Variants in KCNIP4 observed in about 807,000 individuals in gnomAD.
KCNIP4 encodes the protein Kv channel-interacting protein 4.
In KCNIP4, 12 loss-of-function variants were observed where a neutral mutation model predicts 34.0. The ratio of observed to expected loss-of-function variants is 0.35; its 90% CI spans 0.23 to 0.57. KCNIP4 has a LOEUF of 0.57. Among genes scored for constraint, KCNIP4 ranks in the 20% least tolerant of loss-of-function variants. KCNIP4 has a pLI of 0.83. For synonymous variants in KCNIP4, 124 were observed against 102.2 expected (o/e 1.21, Z -1.29); for missense variants, 238 against 311.7 (o/e 0.76, Z 1.78).
intron 1 of KCNIP4, among the ~76,000 whole-genome samples, chr4:21,386,771 T>G (rs1722071630): frequency 1.3e-5 from 2 of 152,140 alleles, no homozygotes; most frequent in African/African-American, 4.8e-5. Context: ...CGCTGGACAC[T>G]CTATAGATCT....
chr4:20,902,409 A>T (rs1727248616), intron 1 of KCNIP4, among the ~76,000 whole-genome samples: 1 of 152,178 alleles, frequency 6.6e-6, no homozygotes, highest in African/African-American at 2.4e-5. Context: ...GAGCCACGGC[A>T]TACCCAGTTT....
At chr4:21,207,160 T>C (rs920154831) in intron 1 of KCNIP4, among the ~76,000 whole-genome samples, 7 of 152,168 alleles carry the variant, frequency 4.6e-5, no homozygotes, top group Admixed American at 2.0e-4. Context: ...TCTCTGTGTT[T>C]CTGAATTTTG....
intron 1 of KCNIP4, among the ~76,000 whole-genome samples, chr4:21,123,383 T>G (rs1007032238): frequency 6.6e-6 from 1 of 152,158 alleles, no homozygotes. Context: ...GATTTCAAAA[T>G]TATCTTTTTC....
At chr4:21,245,923 T>C (rs1168139251) in intron 1 of KCNIP4, among the ~76,000 whole-genome samples, 2 of 152,238 alleles carry the variant, frequency 1.3e-5, no homozygotes, top group Admixed American at 1.3e-4. Flanking sequence ...AAGGATAGTC[T>C]TTAGAGATTT....
chr4:21,209,142 A>G, intron 1 of KCNIP4, among the ~76,000 whole-genome samples: 1 of 152,328 alleles, frequency 6.6e-6, no homozygotes, highest in Non-Finnish European at 1.5e-5. Flanking sequence ...TAACTAACAC[A>G]TAATAATTTA....
intron 1 of KCNIP4, among the ~76,000 whole-genome samples, chr4:21,877,165 C>T (rs1371564520): frequency 6.6e-6 from 1 of 152,028 alleles, no homozygotes; most frequent in African/African-American, 2.4e-5. Context: ...ACAGCCTGAC[C>T]AACATGGTGA....
At chr4:21,843,202 A>C (rs1235474976) in intron 1 of KCNIP4, 2 of 152,078 alleles carry the variant, frequency 1.3e-5, no homozygotes, top group Non-Finnish European at 2.9e-5. Context: ...AGAATGTAAA[A>C]AATAAAACTC....
intron 1 of KCNIP4, among the ~76,000 whole-genome samples, chr4:21,267,808 C>A (rs1473575444): frequency 1.3e-5 from 2 of 149,094 alleles, no homozygotes; most frequent in Non-Finnish European, 3.0e-5. Context: ...GTCTAAAATT[C>A]TCTTTTTTGG....
chr4:20,870,751 C>T (rs1031990437), intron 2 of KCNIP4, among the ~76,000 whole-genome samples: 7 of 152,096 alleles, frequency 4.6e-5, no homozygotes, highest in Non-Finnish European at 8.8e-5. Flanking sequence ...CTCTCATTTC[C>T]TCCCACACAA....
chr4:21,083,971 G>A (rs1746210612), intron 1 of KCNIP4, among the ~76,000 whole-genome samples: 1 of 151,742 alleles, frequency 6.6e-6, no homozygotes, highest in South Asian at 2.1e-4. Context: ...AGCTCCTGAG[G>A]GTCCTGCAGT....
chr4:21,212,798 G>A (rs747435313), intron 1 of KCNIP4, among the ~76,000 whole-genome samples: 5 of 152,146 alleles, frequency 3.3e-5, no homozygotes, highest in Non-Finnish European at 7.4e-5. Context: ...CCAAAGTCTC[G>A]ACTCTTAATA....
intron 1 of KCNIP4, among the ~76,000 whole-genome samples, chr4:21,560,093 T>C: frequency 6.6e-6 from 1 of 152,100 alleles, no homozygotes; most frequent in Non-Finnish European, 1.5e-5. Flanking sequence ...TTTCTCCCCC[T>C]GGAGAACTAA....
At chr4:21,797,243 G>A (rs1374035625) in intron 1 of KCNIP4, among the ~76,000 whole-genome samples, 1 of 152,140 alleles carries the variant, frequency 6.6e-6, no homozygotes, top group Admixed American at 6.6e-5. Flanking sequence ...ACGCGTCTAC[G>A]CACAGGTGAC....
At chr4:20,777,316 C>G (rs925339225) in intron 3 of KCNIP4, among the ~76,000 whole-genome samples, 3 of 152,128 alleles carry the variant, frequency 2.0e-5, no homozygotes, top group African/African-American at 7.2e-5. Context: ...GGGCAACTGC[C>G]CCCATGATTC....
chr4:21,313,176 A>G (rs2109279009), intron 1 of KCNIP4, among the ~76,000 whole-genome samples: 1 of 152,334 alleles, frequency 6.6e-6, no homozygotes, highest in South Asian at 2.1e-4. Flanking sequence ...AAACAGGATT[A>G]TTTATGTGAT....
chr4:20,947,633 A>ACAGAGAAT (rs1732325427), intron 1 of KCNIP4, among the ~76,000 whole-genome samples: 1 of 152,220 alleles, frequency 6.6e-6, no homozygotes, highest in African/African-American at 2.4e-5. Context: ...AAAATAACCT[A>ACAGAGAAT]AATACAGAGA....
chr4:20,784,762 C>T (rs191311373), intron 3 of KCNIP4, among the ~76,000 whole-genome samples: 2 of 152,170 alleles, frequency 1.3e-5, no homozygotes, highest in Admixed American at 1.3e-4. Flanking sequence ...GGCTCACAAT[C>T]GAGTGGAAAG....
intron 1 of KCNIP4, among the ~76,000 whole-genome samples, chr4:21,254,491 A>G (rs553970609): frequency 6.6e-6 from 1 of 152,322 alleles, no homozygotes; most frequent in Non-Finnish European, 1.5e-5. Flanking sequence ...TTATGCATTT[A>G]AAATCATTCC....
At chr4:21,639,566 A>T (rs1039496665) in intron 1 of KCNIP4, among the ~76,000 whole-genome samples, 1 of 120,082 alleles carries the variant, frequency 8.3e-6, no homozygotes, top group African/African-American at 3.0e-5. Flanking sequence ...TCAATCTGAC[A>T]AGAATATTGA....
Sources: allele counts gnomAD v4.1 joint callset (sites outside exome capture counted in the v4.1 genomes callset), GRCh38; gene constraint gnomAD v4.1.1; transcripts MANE v1.5; gene names NCBI Gene and HGNC (gene_info 2026-07-23, HGNC 2026-07-21).